The following LRP1B variants were observed in gnomAD, a reference collection of about 807,000 sequenced individuals.
LRP1B encodes low-density lipoprotein receptor-related protein 1B.
A neutral mutation model predicts 556.6 loss-of-function variants in LRP1B; 217 were observed. The ratio of observed to expected loss-of-function variants is 0.39; its 90% CI spans 0.35 to 0.44. The LOEUF (loss-of-function observed/expected upper bound fraction) is 0.44, where lower values mean the gene tolerates loss of function less well. LRP1B is among the 20% of genes least tolerant of loss of function. The pLI is 1.00. For missense variants in LRP1B, 5,053 were observed against 5,620.8 expected (o/e 0.90, Z 3.23); for synonymous variants, 2,047 against 1,865.8 (o/e 1.10, Z -2.50).
intron 7 of LRP1B, among the ~76,000 whole-genome samples, chr2:141,134,717 A>T (rs1448674336): frequency 7.4e-6 from 1 of 135,514 alleles, no homozygotes; most frequent in Non-Finnish European, 1.6e-5. Flanking sequence ...CATTATATCA[A>T]TAACTACCAA....
Position 141,118,834 on chromosome 2 carries a change from A to C in LRP1B, c.1014-56561T>G, listed in dbSNP as rs548884398. 1.1e-4 allele frequency among the ~76,000 whole-genome samples: 16 copies of C among 151,958 alleles called. 1 individual carries two copies. The East Asian group carries it at 3.1e-3, about 29-fold the overall frequency. ...TAAAGATTATAATCATAATAATATT[A>C]AGGTTAATAAATTCTCAAAGCTCAA... On this transcript the variant is annotated intron_variant, in intron 7 of 90. Transcript: ENST00000389484.
At chr2:141,780,035 G>T (rs1374226058) in intron 2 of LRP1B, among the ~76,000 whole-genome samples, 1 of 149,032 alleles carries the variant, frequency 6.7e-6, no homozygotes. Flanking sequence ...TATAAACCTA[G>T]AATTAATCTC....
At chr2:141,054,089 G>A (rs934499960) in intron 10 of LRP1B, among the ~76,000 whole-genome samples, 1 of 151,904 alleles carries the variant, frequency 6.6e-6, no homozygotes, top group Non-Finnish European at 1.5e-5. Context: ...ACATAGTTTG[G>A]ACTCTTTGAT....
chr2:142,016,103 G>T (rs1703121785), intron 1 of LRP1B, among the ~76,000 whole-genome samples: 1 of 151,198 alleles, frequency 6.6e-6, no homozygotes, highest in Non-Finnish European at 1.5e-5. Flanking sequence ...CTGGTCATTA[G>T]AGAAATGCAA....
chr2:140,471,604 A>G (rs546954554), intron 60 of LRP1B, among the ~76,000 whole-genome samples: 5 of 152,306 alleles, frequency 3.3e-5, no homozygotes, highest in East Asian at 1.9e-4. Flanking sequence ...CTAACACTGT[A>G]TCTCCATTCC....
At chr2:141,145,761 G>A (rs112189681) in intron 7 of LRP1B, among the ~76,000 whole-genome samples, 3,658 of 151,912 alleles carry the variant, frequency 0.024, 148 homozygotes, top group African/African-American at 0.083. Flanking sequence ...TCATACTCCT[G>A]ACCTCGGGTG....
rs542430470 is a variant in LRP1B at position 140,575,847 on chromosome 2, T to G, written c.7194+22784A>C. Among the ~76,000 whole-genome samples the G allele has an allele frequency of 2.7e-3, 410 of 151,838 alleles. 3 individuals carry two copies. The highest frequency in any genetic ancestry group is 5.3e-3 in the Admixed American group (80 of 15,216). On this transcript the variant is annotated intron_variant, in intron 43 of 90. Coordinates refer to ENST00000389484, the MANE Select transcript of LRP1B (RefSeq NM_018557.3). Reference sequence around the variant, plus strand: ...GGCTGAGGCAGGAGTGCTTGAACCCTGAAGGTGGAGGTTGCAATGAGCCGA... The same window carrying G: ...GGCTGAGGCAGGAGTGCTTGAACCCGGAAGGTGGAGGTTGCAATGAGCCGA...
In LRP1B at chr2:140,516,951, A is replaced by C; in HGVS notation, c.8087T>G (p.Leu2696Trp). ...CTGACCATCGCATATCCAGGTATTC[A>C]AAATGCATCTTCCACTAGGACAACT... The part of the protein sequence containing the change: ...YFSCPSGRCI[L>W]NTWICDGQKD... Residue 2696 changes from leucine (L) to tryptophan (W), a missense_variant, in exon 50 of 91, where the codon TTG (leucine) becomes TGG (tryptophan). Leu to Trp is a moderately conservative substitution (Grantham distance 61, BLOSUM62 -2). Coordinates refer to ENST00000389484, the MANE Select transcript of LRP1B (RefSeq NM_018557.3). 1 of 1,609,146 alleles carries C rather than the reference A, an allele frequency of 6.2e-7. No homozygotes were observed. The highest frequency in any genetic ancestry group is 1.7e-5 in the Admixed American group (1 of 59,932).
chr2:140,994,163 G>T (rs1488852431), intron 15 of LRP1B, 28 bp from the exon 16 acceptor site: 2 of 1,599,474 alleles, frequency 1.3e-6, no homozygotes, highest in East Asian at 2.2e-5. Flanking sequence ...CAAGGTATAT[G>T]AATAATGCTA....
intron 1 of LRP1B, among the ~76,000 whole-genome samples, chr2:141,894,981 G>A (rs1390454584): frequency 1.3e-5 from 2 of 149,022 alleles, no homozygotes; most frequent in African/African-American, 4.9e-5. Flanking sequence ...CCAAGAGGCG[G>A]AGGTTGCAGT....
chr2:141,174,786 T>C (rs1319514012), intron 7 of LRP1B, among the ~76,000 whole-genome samples: 1 of 152,074 alleles, frequency 6.6e-6, no homozygotes, highest in African/African-American at 2.4e-5. Context: ...AGTCAGAGGT[T>C]GAAACAGTTT....
intron 1 of LRP1B, among the ~76,000 whole-genome samples, chr2:141,832,087 G>C (rs1475098674): frequency 6.6e-6 from 1 of 151,466 alleles, no homozygotes; most frequent in African/African-American, 2.4e-5. Flanking sequence ...TTCTAGTCTT[G>C]ACCAGGATTT....
At chr2:141,818,770 T>A (rs150744129) in intron 1 of LRP1B, among the ~76,000 whole-genome samples, 2,285 of 150,934 alleles carry the variant, frequency 0.015, 26 homozygotes, top group Non-Finnish European at 0.021. Flanking sequence ...TCTCCTGACC[T>A]CGTGATCTGC....
At chr2:140,418,729 T>G (rs1022079320) in intron 66 of LRP1B, among the ~76,000 whole-genome samples, 3 of 151,992 alleles carry the variant, frequency 2.0e-5, no homozygotes, top group African/African-American at 7.3e-5. Flanking sequence ...CATTAAATTA[T>G]GGTGAGTTGT....
At position 140,495,498 on chromosome 2, in the gene LRP1B, C is replaced by T. The variant is rs76060080; in HGVS notation, c.9034+67G>A. ...CAAGGAGGAGTGAATTCAATAAGAA[C>T]GGCTATAAAATTCAGGATCCATATG... On this transcript the variant is annotated intron_variant, in intron 56 of 90. Coordinates refer to ENST00000389484, the MANE Select transcript of LRP1B (RefSeq NM_018557.3). 7.6e-4 allele frequency: 1,069 copies of T among 1,399,278 alleles called. 10 individuals are homozygous for T. The African/African-American group carries it at 0.012, about 16-fold the overall frequency. 86.7% of individuals were successfully genotyped at this position (1,399,278 alleles called of 1,614,324 possible). A position where few individuals can be genotyped will look rare whatever the true frequency, so the allele number is the denominator to read the frequency against.
At chr2:141,025,045 G>A (rs889065458) in intron 11 of LRP1B, among the ~76,000 whole-genome samples, 1 of 152,074 alleles carries the variant, frequency 6.6e-6, no homozygotes, top group African/African-American at 2.4e-5. Context: ...ATGCAGAAAT[G>A]TGAGAGATCC....
intron 2 of LRP1B, among the ~76,000 whole-genome samples, chr2:141,711,288 C>T (rs562914094): frequency 9.2e-4 from 140 of 152,298 alleles, no homozygotes; most frequent in African/African-American, 3.3e-3. Flanking sequence ...ACCACATTCT[C>T]TCCAGGGAAT....
chr2:141,923,980 A>G (rs1028654215), intron 1 of LRP1B, among the ~76,000 whole-genome samples: 2 of 152,072 alleles, frequency 1.3e-5, no homozygotes, highest in African/African-American at 4.8e-5. Context: ...TGCTATTGAT[A>G]TGGACAGGAG....
chr2:140,676,388 T>C (rs1427275301), intron 41 of LRP1B, among the ~76,000 whole-genome samples: 1 of 152,236 alleles, frequency 6.6e-6, no homozygotes, highest in African/African-American at 2.4e-5. Flanking sequence ...ATAATCCCGC[T>C]GTTAAAATTT....
Sources: gnomAD v4.1 joint callset for allele counts (sites outside exome capture counted in the v4.1 genomes callset) on GRCh38, gnomAD v4.1.1 for gene constraint, MANE v1.5 for transcripts, NCBI Gene and HGNC (gene_info 2026-07-23, HGNC 2026-07-21) for gene names.